Variants in CPXM2 observed in about 807,000 individuals in gnomAD.
The protein encoded by CPXM2 is carboxypeptidase X, M14 family member 2.
A neutral mutation model predicts 86.1 loss-of-function variants in CPXM2; 66 were observed. The ratio of observed to expected loss-of-function variants is 0.77; its 90% CI spans 0.63 to 0.94. CPXM2 has a LOEUF of 0.94. Ranked by LOEUF, CPXM2 falls within the 40% of genes least tolerant of loss-of-function variation. The pLI is 0.00. For synonymous variants in CPXM2, 388 were observed against 400.2 expected, an observed-to-expected ratio of 0.97 and a Z score of 0.36; for missense variants, 948 against 1,026.3, an observed-to-expected ratio of 0.92 and a Z score of 1.04.
At chr10:123,773,151 C>A (rs1222317058) in intron 7 of CPXM2, among the ~76,000 whole-genome samples, 2 of 150,942 alleles carry the variant, frequency 1.3e-5, no homozygotes, top group Non-Finnish European at 3.0e-5. Flanking sequence ...TGGTTATCAG[C>A]TCCCTGGTTG....
At chr10:123,829,180 G>A (rs145211957) in intron 4 of CPXM2, among the ~76,000 whole-genome samples, 29 of 152,224 alleles carry the variant, frequency 1.9e-4, no homozygotes, top group Non-Finnish European at 3.5e-4. Context: ...ATATCATTAC[G>A]CACCTGTCAG....
intron 2 of CPXM2, among the ~76,000 whole-genome samples, chr10:123,910,416 G>A (rs556088347): frequency 4.4e-4 from 67 of 152,202 alleles, no homozygotes; most frequent in Middle Eastern, 3.4e-3. Flanking sequence ...ATCAAACCTA[G>A]TATCACTCCC....
At chr10:123,851,294 A>T (rs1848592701) in intron 3 of CPXM2, among the ~76,000 whole-genome samples, 1 of 152,048 alleles carries the variant, frequency 6.6e-6, no homozygotes, top group Admixed American at 6.6e-5. Flanking sequence ...TAAACTCTCA[A>T]CTTATAATCC....
upstream of CPXM2, chr10:123,891,838 C>G (rs1323787930): frequency 5.2e-6 from 1 of 194,026 alleles, no homozygotes; most frequent in Admixed American, 6.5e-5. This position sits in a 1 kb window ranked among gnomAD's most constrained non-coding sequence, Gnocchi z 5.6. Flanking sequence ...CTGGGCTGGG[C>G]CGGGGCGGAC....
upstream of CPXM2, among the ~76,000 whole-genome samples, chr10:123,894,579 G>A (rs1213945661): frequency 1.3e-5 from 2 of 152,176 alleles, no homozygotes; most frequent in African/African-American, 4.8e-5. Flanking sequence ...AGCTCATGAA[G>A]TTTAGGAAGA....
chr10:123,772,694 C>A (rs1056411214), intron 7 of CPXM2, among the ~76,000 whole-genome samples: 3 of 152,012 alleles, frequency 2.0e-5, no homozygotes, highest in African/African-American at 7.2e-5. Context: ...TATCACTTTC[C>A]TGATTGTGGT....
chr10:123,784,812 C>CT (rs1847013150), intron 6 of CPXM2, among the ~76,000 whole-genome samples: 1 of 152,178 alleles, frequency 6.6e-6, no homozygotes, highest in African/African-American at 2.4e-5. Flanking sequence ...GCTATGATGA[C>CT]TAAGCCTTCT....
chr10:123,776,465 G>A (rs1486600503), intron 7 of CPXM2, among the ~76,000 whole-genome samples: 1 of 152,140 alleles, frequency 6.6e-6, no homozygotes, highest in East Asian at 1.9e-4. Context: ...AATATCAGAA[G>A]GAAATTTTTC....
chr10:123,791,529 T>C (rs1293097596), intron 6 of CPXM2, among the ~76,000 whole-genome samples: 1 of 152,198 alleles, frequency 6.6e-6, no homozygotes, highest in Non-Finnish European at 1.5e-5. Flanking sequence ...CCTGCAACCC[T>C]TGGCTTGTAG....
intron 1 of CPXM2, chr10:123,887,035 T>G (rs1198426038): frequency 6.6e-6 from 1 of 152,150 alleles, no homozygotes; most frequent in African/African-American, 2.4e-5. Flanking sequence ...CTTAAATCAT[T>G]CCAACTGCAG....
chr10:123,807,495 C>T (rs1011240425), intron 4 of CPXM2, among the ~76,000 whole-genome samples: 1 of 152,164 alleles, frequency 6.6e-6, no homozygotes, highest in Non-Finnish European at 1.5e-5. Context: ...CAGCTACTAG[C>T]TTCTGGGAAT....
chr10:123,751,647 G>A, intron 13 of CPXM2: 4 of 985,362 alleles, frequency 4.1e-6, no homozygotes, highest in Non-Finnish European at 3.6e-6. Context: ...ATTCCTACCA[G>A]CTTCCCTCCC....
In CPXM2 at chr10:123,804,763, G is replaced by A. The variant is rs77466027; in HGVS notation, c.654-5564C>T. Among the ~76,000 whole-genome samples, 891 of 152,290 alleles carry A rather than the reference G, an allele frequency of 5.9e-3. 7 individuals carry two copies. Among genetic ancestry groups the A allele is most frequent in the African/African-American group, 0.02 (841 of 41,560 alleles). ...AATAACTGACATCCCAGCCTCATTC[G>A]TGAGATCCAAGGGAAGGTTTCTATA... is the stretch of plus-strand genomic sequence containing the variant. On this transcript the variant is annotated intron_variant, in intron 4 of 13. Transcript: ENST00000241305.
At chr10:123,825,951 A>G (rs1848035987) in intron 4 of CPXM2, among the ~76,000 whole-genome samples, 1 of 152,142 alleles carries the variant, frequency 6.6e-6, no homozygotes, top group African/African-American at 2.4e-5. Flanking sequence ...CACACCCCTC[A>G]GCTGGCTCTG....
At chr10:123,851,768 C>CA (rs58638640) in intron 3 of CPXM2, among the ~76,000 whole-genome samples, 1,954 of 100,900 alleles carry the variant, frequency 0.019, 41 homozygotes, top group Admixed American at 0.073. Flanking sequence ...GACATCATCT[C>CA]AAAAAAAAAA....
chr10:123,914,362 G>T (rs561653374), intron 2 of CPXM2, among the ~76,000 whole-genome samples: 67 of 152,026 alleles, frequency 4.4e-4, no homozygotes, highest in Non-Finnish European at 3.7e-4. Context: ...TTTAGCGCTG[G>T]GTCTGGGCCC....
chr10:123,928,789 C>A (rs765683332), intron 2 of CPXM2, among the ~76,000 whole-genome samples: 1 of 152,234 alleles, frequency 6.6e-6, no homozygotes, highest in Non-Finnish European at 1.5e-5. Flanking sequence ...AGTCCCCTAG[C>A]CTTTGAGGCT....
At chr10:123,881,472 C>T (rs1186874218) in intron 1 of CPXM2, among the ~76,000 whole-genome samples, 1 of 151,900 alleles carries the variant, frequency 6.6e-6, no homozygotes, top group African/African-American at 2.4e-5. Context: ...GGAAGGGAAG[C>T]AGGATGGGGT....
intron 6 of CPXM2, among the ~76,000 whole-genome samples, chr10:123,782,641 G>C (rs1589993372): frequency 6.6e-6 from 1 of 152,174 alleles, no homozygotes; most frequent in African/African-American, 2.4e-5. Flanking sequence ...AAATGAGTGA[G>C]GACCGAGCCC....
Sources: gnomAD v4.1 joint callset for allele counts (sites outside exome capture counted in the v4.1 genomes callset) on GRCh38, gnomAD v4.1.1 for gene constraint, Gnocchi (gnomAD v3.1) non-coding constraint, MANE v1.5 for transcripts, NCBI Gene and HGNC (gene_info 2026-07-23, HGNC 2026-07-21) for gene names.